The following KCNQ1 variants were observed in gnomAD, a reference collection of about 807,000 sequenced individuals.
KCNQ1 encodes the protein potassium voltage-gated channel subfamily KQT member 1.
In KCNQ1, 49 loss-of-function variants were observed where a neutral mutation model predicts 72.4. That is an observed-to-expected ratio of 0.68 (90% CI 0.54 to 0.86). The LOEUF (loss-of-function observed/expected upper bound fraction) is 0.86, where lower values mean the gene tolerates loss of function less well. Ranked by LOEUF, KCNQ1 falls within the 40% of genes least tolerant of loss-of-function variation. The pLI is 0.00. For missense variants in KCNQ1, 790 were observed against 945.1 expected (o/e 0.84, Z 2.15); for synonymous variants, 450 against 412.6 (o/e 1.09, Z -1.10).
chr11:2,719,294 G>C (rs1039926568), intron 11 of KCNQ1, among the ~76,000 whole-genome samples: 4 of 143,672 alleles, frequency 2.8e-5, no homozygotes, highest in African/African-American at 7.8e-5. Context: ...AGGCGTTAGA[G>C]ACCAGCCTGG....
At chr11:2,721,392 C>G (rs528959160) in intron 11 of KCNQ1, among the ~76,000 whole-genome samples, 1 of 152,204 alleles carries the variant, frequency 6.6e-6, no homozygotes, top group African/African-American at 2.4e-5. Context: ...GTAGCGAGGC[C>G]GCTGTTCCCA....
Position 2,641,787 on chromosome 11 carries a change from C to T in KCNQ1, c.1394-20174C>T, listed in dbSNP as rs1266438162. 4.0e-5 allele frequency: 16 copies of T among 398,270 alleles called. No individual in the cohort carries two copies. The Admixed American group carries it at 7.0e-4, about 18-fold the overall frequency. The allele number at this position is 398,270 out of a possible 1,614,324, so 24.7% of individuals were successfully genotyped here. ...ATAGTTTCATGCCTCATGTTTAAGT[C>T]TTTAACCCATCTTGAGTTGATTTTA... On this transcript the variant is annotated intron_variant, in intron 10 of 15. Coordinates refer to ENST00000155840, the MANE Select transcript of KCNQ1 (RefSeq NM_000218.3).
At chr11:2,524,866 C>T (rs1847468003) in intron 1 of KCNQ1, among the ~76,000 whole-genome samples, 1 of 141,818 alleles carries the variant, frequency 7.1e-6, no homozygotes, top group African/African-American at 3.1e-5. Flanking sequence ...CAGATGGTGC[C>T]CTGGCCCTCT....
rs553029139 is a variant in KCNQ1 at position 2,846,459 on chromosome 11, C to T, written c.1795-1308C>T. 8.5e-4 allele frequency among the ~76,000 whole-genome samples: 129 copies of T among 152,332 alleles called. 2 individuals are homozygous for T. The highest frequency in any genetic ancestry group is 8.3e-3 in the East Asian group (43 of 5,186). On this transcript the variant is annotated intron_variant, in intron 15 of 15. Transcript: ENST00000155840. ...CTGAGGGGCTCTCCTGCAAGAACACCGCAGGCTGAAGGACCAGCCCTGTCT... is the reference window on the plus strand; with the variant it reads ...CTGAGGGGCTCTCCTGCAAGAACACTGCAGGCTGAAGGACCAGCCCTGTCT...
chr11:2,494,117 T>TG lies in KCNQ1; in HGVS notation c.387-33807dup, dbSNP rs1468561791. Among the ~76,000 whole-genome samples, 2 of 152,142 alleles carry TG rather than the reference T, an allele frequency of 1.3e-5. No individual in the cohort carries two copies. Among genetic ancestry groups the TG allele is most frequent in the Admixed American group, 1.3e-4 (2 of 15,278 alleles). ...TTCTTCTCTTTGTAGCAATTATGAA[T>TG]GGGGATTCACTCATGATTTGGCTCT... On this transcript the variant is annotated intron_variant, in intron 1 of 15. Transcript: ENST00000155840. This position sits in a 1 kb window ranked among gnomAD's most constrained non-coding sequence, Gnocchi z 4.6.
In KCNQ1 at chr11:2,458,765, A is replaced by G. The variant is rs991821431; in HGVS notation, c.386+13281A>G. On this transcript the variant is annotated intron_variant, in intron 1 of 15. Coordinates refer to ENST00000155840, the MANE Select transcript of KCNQ1 (RefSeq NM_000218.3). This position sits in a 1 kb window ranked among gnomAD's most constrained non-coding sequence, Gnocchi z 4.6. Reference sequence around the variant, plus strand: ...GGGCCAGAGGAACGCGCTAAATGATACTACAGGAGGCCACTTGCAGAATCC... The same window carrying G: ...GGGCCAGAGGAACGCGCTAAATGATGCTACAGGAGGCCACTTGCAGAATCC... 6.6e-6 allele frequency among the ~76,000 whole-genome samples: 1 copy of G among 152,128 alleles called. No individual in the cohort carries two copies. Among genetic ancestry groups the G allele is most frequent in the African/African-American group, 2.4e-5 (1 of 41,414 alleles).
At chr11:2,467,119 C>T (rs369700102) in intron 1 of KCNQ1, among the ~76,000 whole-genome samples, 3 of 151,844 alleles carry the variant, frequency 2.0e-5, no homozygotes, top group Non-Finnish European at 4.4e-5. Context: ...GCTGGAGAGC[C>T]GGGCAGGGTT....
intron 10 of KCNQ1, among the ~76,000 whole-genome samples, chr11:2,606,450 G>A (rs1331823605): frequency 6.6e-6 from 1 of 152,100 alleles, no homozygotes; most frequent in Non-Finnish European, 1.5e-5. Context: ...TTCTTACTCT[G>A]GTAGTTTATG....
chr11:2,660,726 A>G (rs1337282269), intron 10 of KCNQ1: 1 of 398,512 alleles, frequency 2.5e-6, no homozygotes, highest in South Asian at 1.3e-4. Context: ...TTCATTCAAC[A>G]CTTCATTCAG....
rs1238082505 is a variant in KCNQ1 at position 2,508,411 on chromosome 11, G to A, written c.387-19517G>A. Among the ~76,000 whole-genome samples, 1 of 152,192 alleles carries A rather than the reference G, an allele frequency of 6.6e-6. No individual in the cohort carries two copies. Among genetic ancestry groups the A allele is most frequent in the Non-Finnish European group, 1.5e-5 (1 of 68,016 alleles). On this transcript the variant is annotated intron_variant, in intron 1 of 15. Transcript: ENST00000155840. This position sits in a 1 kb window ranked among gnomAD's most constrained non-coding sequence, Gnocchi z 6.2. Reference sequence around the variant, plus strand: ...CTGTCCAGACAGTGCCCTGGACACTGCACCTCAGGTCAGGACACAGCTCCC... The same window carrying A: ...CTGTCCAGACAGTGCCCTGGACACTACACCTCAGGTCAGGACACAGCTCCC...
chr11:2,751,153 G>A (rs1846219399), intron 11 of KCNQ1, among the ~76,000 whole-genome samples: 1 of 152,220 alleles, frequency 6.6e-6, no homozygotes, highest in Non-Finnish European at 1.5e-5. Flanking sequence ...CTACAAGGCA[G>A]TGACTGGTTT....
rs1850114608 is a variant in KCNQ1 at position 2,668,021 on chromosome 11, G to A, written c.1514+5940G>A. On this transcript the variant is annotated intron_variant, in intron 11 of 15. Transcript: ENST00000155840. The surrounding 1 kb of genome is among the most constrained non-coding windows in gnomAD (Gnocchi z 4.3). ...AGATTAACCACAGGCCTAACTGCTA[G>A]CAGCAAGGACCAGCTTTGCCCACAT... The A allele has an allele frequency of 2.5e-6, 1 of 398,510 alleles. No homozygotes were observed. The allele number at this position is 398,510 out of a possible 1,614,324, so 24.7% of individuals were successfully genotyped here.
Position 2,471,805 on chromosome 11 carries a change from G to GGT in KCNQ1, c.386+26329_386+26330dup, listed in dbSNP as rs201773139. 5.2e-3 allele frequency among the ~76,000 whole-genome samples: 728 copies of GGT among 139,650 alleles called. 9 individuals are homozygous for GGT. The highest frequency in any genetic ancestry group is 0.017 in the African/African-American group (632 of 37,032). 91.6% of individuals were successfully genotyped at this position (139,650 alleles called of 152,430 possible). On this transcript the variant is annotated intron_variant, in intron 1 of 15. Transcript: ENST00000155840. This position sits in a 1 kb window ranked among gnomAD's most constrained non-coding sequence, Gnocchi z 4.8. Reference sequence around the variant, plus strand: ...GATTGGGTGTGTGCATGTGTATATAGGTGTGTGTGCACGTGTATGGGTGCG... The same window carrying GGT: ...GATTGGGTGTGTGCATGTGTATATAGGTGTGTGTGTGCACGTGTATGGGTGCG...
rs1176322182 is a variant in KCNQ1, at chr11:2,748,919, AC to A, written c.1515-19922del. On this transcript the variant is annotated intron_variant, in intron 11 of 15. Transcript: ENST00000155840. This position sits in a 1 kb window ranked among gnomAD's most constrained non-coding sequence, Gnocchi z 6.2. The stretch of plus-strand genomic sequence containing the variant: ...CCCTCTTCCCCTCTTTGCGGTTGTC[AC>A]CCTGTCCTTGAGTCTAACTGGGGCT... Among the ~76,000 whole-genome samples, 1 of 152,118 alleles carries A rather than the reference AC, an allele frequency of 6.6e-6. No homozygotes were observed. The highest frequency in any genetic ancestry group is 1.5e-5 in the Non-Finnish European group (1 of 68,018).
At position 2,608,649 on chromosome 11, in the gene KCNQ1, A is replaced by G; in HGVS notation, c.1393+19795A>G. 1 of 398,510 alleles carries G rather than the reference A, an allele frequency of 2.5e-6. No homozygotes were observed. Among genetic ancestry groups the G allele is most frequent in the Non-Finnish European group, 4.4e-6 (1 of 226,062 alleles). 24.7% of individuals were successfully genotyped at this position (398,510 alleles called of 1,614,324 possible). On this transcript the variant is annotated intron_variant, in intron 10 of 15. Coordinates refer to ENST00000155840, the MANE Select transcript of KCNQ1 (RefSeq NM_000218.3). This position sits in a 1 kb window ranked among gnomAD's most constrained non-coding sequence, Gnocchi z 4.6. ...CTGTTATTCAAAAAATATTTTGTAG[A>G]GATAGGGTCTTGCTTTGTTGTGCAT... is the stretch of plus-strand genomic sequence containing the variant.
intron 8 of KCNQ1, 64 bp from the exon 9 acceptor site, chr11:2,587,506 C>T: frequency 6.2e-7 from 1 of 1,608,462 alleles, no homozygotes; most frequent in Non-Finnish European, 8.5e-7. Flanking sequence ...GGAGCTGTAG[C>T]TTCCATAAGG....
rs185142253 is a variant in KCNQ1 at position 2,517,897 on chromosome 11, C to T, written c.387-10031C>T. Among the ~76,000 whole-genome samples the T allele has an allele frequency of 4.6e-5, 7 of 152,332 alleles. No individual in the cohort carries two copies. The East Asian group carries it at 7.7e-4, about 17-fold the overall frequency. Reference sequence around the variant, plus strand: ...GTGGCGGAACGCTGCCTCAGTACCACGTCCTGCTCAAAGGCCACTTGCGAG... The same window carrying T: ...GTGGCGGAACGCTGCCTCAGTACCATGTCCTGCTCAAAGGCCACTTGCGAG... On this transcript the variant is annotated intron_variant, in intron 1 of 15. Transcript: ENST00000155840.
chr11:2,456,046 CAGATT>C (rs1308652571), intron 1 of KCNQ1, among the ~76,000 whole-genome samples: 3 of 152,106 alleles, frequency 2.0e-5, no homozygotes, highest in Non-Finnish European at 4.4e-5. Context: ...AAATTAAAGA[CAGATT>C]AGACGTGGCC....
chr11:2,643,227 C>T, intron 10 of KCNQ1: 1 of 398,152 alleles, frequency 2.5e-6, no homozygotes, highest in Admixed American at 4.4e-5. Flanking sequence ...AATTTTTTGT[C>T]TAGATGATCT....
Sources: allele counts gnomAD v4.1 joint callset (sites outside exome capture counted in the v4.1 genomes callset), GRCh38; gene constraint gnomAD v4.1.1; non-coding constraint Gnocchi (gnomAD v3.1); transcripts MANE v1.5; gene names NCBI Gene and HGNC (gene_info 2026-07-23, HGNC 2026-07-21).